Variants in EPHA5 observed in about 807,000 individuals in gnomAD.
EPHA5 encodes the protein ephrin type-A receptor 5.
Under a neutral mutation model 105.0 loss-of-function variants are expected in EPHA5, and 60 were observed. That is an observed-to-expected ratio of 0.57 (90% CI 0.46 to 0.71). The LOEUF (loss-of-function observed/expected upper bound fraction) is 0.71, where lower values mean the gene tolerates loss of function less well. Among genes scored for constraint, EPHA5 ranks in the 30% least tolerant of loss-of-function variants. EPHA5 has a pLI of 0.00. For missense variants in EPHA5, 1,218 were observed against 1,274.7 expected (o/e 0.96, Z 0.68); for synonymous variants, 513 against 449.1 (o/e 1.14, Z -1.80).
At chr4:65,541,506 G>A (rs1736830425) in intron 3 of EPHA5, among the ~76,000 whole-genome samples, 2 of 151,828 alleles carry the variant, frequency 1.3e-5, no homozygotes, top group Non-Finnish European at 2.9e-5. Context: ...GACAAAGAAG[G>A]GCATTACATA....
At chr4:65,467,522 C>A (rs1728835757) in intron 5 of EPHA5, among the ~76,000 whole-genome samples, 1 of 152,124 alleles carries the variant, frequency 6.6e-6, no homozygotes, top group African/African-American at 2.4e-5. Flanking sequence ...AAGAGACAAG[C>A]CTGAGCCAGC....
chr4:65,647,218 A>G (rs1748187319), intron 1 of EPHA5, among the ~76,000 whole-genome samples: 1 of 150,218 alleles, frequency 6.7e-6, no homozygotes. Flanking sequence ...TGTCCCAGCT[A>G]CTCATGAGGC....
chr4:65,420,413 A>T (rs2149036262), intron 6 of EPHA5, 28 bp downstream of exon 6: 1 of 1,528,078 alleles, frequency 6.5e-7, no homozygotes, highest in South Asian at 1.2e-5. Context: ...AAAGAAAGTG[A>T]GGACATTTTT....
At chr4:65,325,469 CA>C (rs140418969) in intron 16 of EPHA5, among the ~76,000 whole-genome samples, 12 of 146,908 alleles carry the variant, frequency 8.2e-5, no homozygotes, top group African/African-American at 2.2e-4. Context: ...GCTACCCCCC[CA>C]AAAAAATGCT....
chr4:65,536,047 T>A (rs1477115295), intron 3 of EPHA5, among the ~76,000 whole-genome samples: 1 of 152,036 alleles, frequency 6.6e-6, no homozygotes, highest in Non-Finnish European at 1.5e-5. Flanking sequence ...AAGTAATATT[T>A]GTGATAGAAA....
chr4:65,617,055 C>T (rs1745305674), intron 2 of EPHA5, among the ~76,000 whole-genome samples: 1 of 151,976 alleles, frequency 6.6e-6, no homozygotes. Flanking sequence ...TGGGATAACT[C>T]TTTTGTTAAT....
In EPHA5 at chr4:65,367,357, T is replaced by A. The variant is rs780305830; in HGVS notation, c.1861A>T (p.Ile621Phe). 6.2e-6 allele frequency: 10 copies of A among 1,610,644 alleles called. No individual in the cohort carries two copies. The highest frequency in any genetic ancestry group is 1.3e-5 in the African/African-American group (1 of 74,868). ...EEKMHFHNGHIKLPGVRTYID... is the reference protein window; with the variant it reads ...EEKMHFHNGHFKLPGVRTYID... ...TTTTTATTTTTTACAATTTGCTTAC[T>A]GTGCCCATTATGAAAATGCATCTTT... The change falls in exon 9 of 17, where the codon ATT becomes TTT. Residue 621 changes from isoleucine to phenylalanine, a missense_variant and splice_region_variant. Ile to Phe is a conservative substitution (Grantham distance 21, BLOSUM62 0). Coordinates refer to ENST00000613740, the MANE Select transcript of EPHA5 (RefSeq NM_001281766.3).
intron 2 of EPHA5, among the ~76,000 whole-genome samples, chr4:65,610,901 C>T (rs912703283): frequency 1.3e-5 from 2 of 152,092 alleles, no homozygotes; most frequent in Non-Finnish European, 2.9e-5. Flanking sequence ...TGATGGTAGC[C>T]TCCCACTATG....
intron 2 of EPHA5, among the ~76,000 whole-genome samples, chr4:65,627,315 T>C (rs184287687): frequency 1.7e-4 from 26 of 152,326 alleles, no homozygotes; most frequent in African/African-American, 6.3e-4. Context: ...TCAAATAATT[T>C]GGAAAAACCT....
At chr4:65,333,172 T>G (rs1720804611) in intron 15 of EPHA5, among the ~76,000 whole-genome samples, 1 of 151,028 alleles carries the variant, frequency 6.6e-6, no homozygotes, top group Non-Finnish European at 1.5e-5. Flanking sequence ...ATATTAAAAA[T>G]AATTTACATG....
chr4:65,531,005 T>TC (rs1735720587), intron 3 of EPHA5, among the ~76,000 whole-genome samples: 2 of 104,038 alleles, frequency 1.9e-5, no homozygotes, highest in Admixed American at 9.6e-5. Flanking sequence ...GATTTTTTTT[T>TC]ATTTTTTTTA....
intron 3 of EPHA5, among the ~76,000 whole-genome samples, chr4:65,576,073 G>A (rs999242042): frequency 4.7e-4 from 21 of 44,560 alleles, no homozygotes; most frequent in African/African-American, 1.7e-3. Flanking sequence ...GAAAAGAAAA[G>A]AAAAGAAAAG....
intron 3 of EPHA5, among the ~76,000 whole-genome samples, chr4:65,521,203 T>G (rs972200725): frequency 1.3e-5 from 2 of 151,986 alleles, no homozygotes; most frequent in East Asian, 1.9e-4. Flanking sequence ...CCATAAAAAA[T>G]GATGAGTTCA....
chr4:65,352,973 C>A, intron 12 of EPHA5, 69 bp downstream of exon 12: 1 of 1,073,790 alleles, frequency 9.3e-7, no homozygotes, highest in Non-Finnish European at 1.3e-6. Flanking sequence ...ATCACAGCAT[C>A]ATCATCACAG....
intron 5 of EPHA5, among the ~76,000 whole-genome samples, chr4:65,427,029 G>T (rs1215681642): frequency 6.6e-6 from 1 of 151,724 alleles, no homozygotes; most frequent in Non-Finnish European, 1.5e-5. Context: ...GAAGTCAAGT[G>T]ACTACCACCC....
At chr4:65,477,011 A>T (rs770056562) in intron 5 of EPHA5, among the ~76,000 whole-genome samples, 1 of 152,232 alleles carries the variant, frequency 6.6e-6, no homozygotes, top group African/African-American at 2.4e-5. Context: ...ACTGATTTGA[A>T]GAACAGGAAA....
At chr4:65,658,565 T>C (rs937748378) in intron 1 of EPHA5, among the ~76,000 whole-genome samples, 4 of 152,090 alleles carry the variant, frequency 2.6e-5, no homozygotes, top group African/African-American at 9.7e-5. Context: ...ATGTAATACT[T>C]AACATATATA....
At chr4:65,662,777 A>G (rs1369154599) in intron 1 of EPHA5, among the ~76,000 whole-genome samples, 1 of 152,100 alleles carries the variant, frequency 6.6e-6, no homozygotes, top group African/African-American at 2.4e-5. Context: ...ACTGTTATTA[A>G]TATCAATTTT....
At chr4:65,337,222 AATATTC>A (rs1721270371) in intron 14 of EPHA5, among the ~76,000 whole-genome samples, 1 of 152,066 alleles carries the variant, frequency 6.6e-6, no homozygotes, top group African/African-American at 2.4e-5. Flanking sequence ...CTGTGTTGTG[AATATTC>A]AAAGTCCTCT....
Sources: allele counts gnomAD v4.1 joint callset (sites outside exome capture counted in the v4.1 genomes callset), GRCh38; gene constraint gnomAD v4.1.1; transcripts MANE v1.5; gene names NCBI Gene and HGNC (gene_info 2026-07-23, HGNC 2026-07-21).